MTUS2: variants seen among roughly 807,000 people sequenced by gnomAD.
MTUS2 encodes the protein microtubule associated scaffold protein 2, also known as microtubule-associated tumor suppressor candidate 2.
A neutral mutation model predicts 114.1 loss-of-function variants in MTUS2; 40 were observed. The ratio of observed to expected loss-of-function variants is 0.35; its 90% CI spans 0.27 to 0.46. The LOEUF (loss-of-function observed/expected upper bound fraction) is 0.46. MTUS2 is among the 20% of genes least tolerant of loss of function. The probability of loss-of-function intolerance (pLI) is 1.00; values close to 1 mark genes in which losing one functional copy is unlikely to be tolerated. For missense variants in MTUS2, 1,679 were observed against 1,705.4 expected (o/e 0.98, Z 0.27); for synonymous variants, 688 against 672.0 (o/e 1.02, Z -0.37).
In MTUS2 at chr13:29,042,396, A is replaced by G. The variant is rs1168548047; in HGVS notation, c.2446+8271A>G. 5.3e-5 allele frequency among the ~76,000 whole-genome samples: 8 copies of G among 152,232 alleles called. No individual in the cohort carries two copies. The East Asian group carries it at 9.7e-4, about 18-fold the overall frequency. ...TATTTTGTTGAGGATTTTTGTATCT[A>G]CGTTCATCAGGGAGATTGGTCTGTA... is the stretch of plus-strand genomic sequence containing the variant. On this transcript the variant is annotated intron_variant, in intron 4 of 15. Transcript: ENST00000612955.
chr13:29,204,895 A>G lies in MTUS2; in HGVS notation c.2645-76809A>G, dbSNP rs553592550. Among the ~76,000 whole-genome samples, 5 of 152,278 alleles carry G rather than the reference A, an allele frequency of 3.3e-5. No homozygotes were observed. The East Asian group carries it at 9.7e-4, about 29-fold the overall frequency. On this transcript the variant is annotated intron_variant, in intron 5 of 15. Coordinates refer to ENST00000612955, the MANE Select transcript of MTUS2 (RefSeq NM_001033602.4). ...CATGGGCCAGGCCAGTGCCTCGCCA[A>G]ATCGGGGACATCATGGGGTGCAGCT...
intron 8 of MTUS2, among the ~76,000 whole-genome samples, chr13:29,382,635 G>T (rs1338687402): frequency 6.6e-6 from 1 of 152,190 alleles, no homozygotes; most frequent in Non-Finnish European, 1.5e-5. Context: ...TAAAACTGGC[G>T]CTCTTAAAAC....
At chr13:29,209,969 C>T (rs1433206182) in intron 5 of MTUS2, among the ~76,000 whole-genome samples, 1 of 152,174 alleles carries the variant, frequency 6.6e-6, no homozygotes, top group Non-Finnish European at 1.5e-5. Flanking sequence ...ATTTGGCTAT[C>T]TAGATCTCTA....
rs187268447 is a variant in MTUS2, at chr13:29,459,400, G to C, written c.3184+19351G>C. 2.8e-3 allele frequency among the ~76,000 whole-genome samples: 430 copies of C among 152,264 alleles called. 5 individuals carry two copies. Among genetic ancestry groups the C allele is most frequent in the African/African-American group, 9.9e-3 (411 of 41,542 alleles). ...TCAGTTTGTTGATTATAATTCGGAA[G>C]TGTGTTCTAATTCTGCTTCTTCCTC... is the stretch of plus-strand genomic sequence containing the variant. On this transcript the variant is annotated intron_variant, in intron 9 of 15. Coordinates refer to ENST00000612955, the MANE Select transcript of MTUS2 (RefSeq NM_001033602.4).
intron 1 of MTUS2, among the ~76,000 whole-genome samples, chr13:28,832,316 A>G (rs1460055550): frequency 6.6e-6 from 1 of 152,222 alleles, no homozygotes; most frequent in Non-Finnish European, 1.5e-5. Flanking sequence ...AATACAGAAT[A>G]TGTTCCCTGA....
intron 7 of MTUS2, among the ~76,000 whole-genome samples, chr13:29,330,428 T>C (rs996838828): frequency 3.3e-5 from 5 of 152,226 alleles, no homozygotes; most frequent in Non-Finnish European, 5.9e-5. Flanking sequence ...GTGCAGAAGA[T>C]CTTTAGTTTA....
chr13:29,072,864 C>T (rs1489224470), intron 4 of MTUS2, among the ~76,000 whole-genome samples: 1 of 152,204 alleles, frequency 6.6e-6, no homozygotes, highest in African/African-American at 2.4e-5. Flanking sequence ...CAGTATTTGA[C>T]GTATCTTTTC....
intron 4 of MTUS2, among the ~76,000 whole-genome samples, chr13:29,069,874 G>A (rs963104563): frequency 2.0e-5 from 3 of 152,164 alleles, no homozygotes; most frequent in African/African-American, 7.2e-5. Context: ...ACCTTTGGTT[G>A]ATATAAAATC....
At chr13:29,031,252 G>T (rs2138510100) in intron 3 of MTUS2, among the ~76,000 whole-genome samples, 1 of 148,886 alleles carries the variant, frequency 6.7e-6, no homozygotes, top group East Asian at 2.0e-4. Flanking sequence ...GTGTGTGTGT[G>T]TGTGTGTGTG....
intron 12 of MTUS2, among the ~76,000 whole-genome samples, 193 bp from the exon 13 acceptor site, chr13:29,497,045 C>T (rs1302240683): frequency 1.3e-5 from 2 of 152,074 alleles, no homozygotes; most frequent in African/African-American, 4.8e-5. Flanking sequence ...GAGCCGAGGG[C>T]AGGCGTTGGG....
At chr13:29,059,889 G>T (rs911236270) in intron 4 of MTUS2, among the ~76,000 whole-genome samples, 13 of 152,226 alleles carry the variant, frequency 8.5e-5, no homozygotes, top group African/African-American at 2.9e-4. Context: ...CCATCTGGTG[G>T]CTTCCTGGAA....
chr13:29,463,183 CTGGAAAAGGGGAGGATA>C (rs1879632770), intron 9 of MTUS2, among the ~76,000 whole-genome samples: 1 of 152,084 alleles, frequency 6.6e-6, no homozygotes, highest in African/African-American at 2.4e-5. Context: ...CCTCGAGGGG[CTGGAAAAGGGGAGGATA>C]TGTATTCTCC....
chr13:29,147,799 G>T (rs539830746), intron 5 of MTUS2, among the ~76,000 whole-genome samples: 1 of 152,104 alleles, frequency 6.6e-6, no homozygotes, highest in Non-Finnish European at 1.5e-5. Flanking sequence ...ATAGTACTCC[G>T]TGGAGAATAT....
intron 2 of MTUS2, among the ~76,000 whole-genome samples, chr13:28,992,969 T>C (rs1593363568): frequency 6.6e-6 from 1 of 152,220 alleles, no homozygotes; most frequent in Non-Finnish European, 1.5e-5. Flanking sequence ...AGTGGAATCA[T>C]ACAGTATTTG....
At chr13:29,428,598 T>TGGCCCCCCCCCC in intron 8 of MTUS2, 1 of 155,460 alleles carries the variant, frequency 6.4e-6, no homozygotes, top group African/African-American at 2.6e-5. Context: ...CCTTCCTGGC[T>TGGCCCCCCCCCC]CCCGCCCGCC....
chr13:29,423,369 A>G (rs1876259870), intron 8 of MTUS2, among the ~76,000 whole-genome samples: 1 of 152,206 alleles, frequency 6.6e-6, no homozygotes, highest in African/African-American at 2.4e-5. Context: ...TGCCAGCTAG[A>G]AGGAACTAGG....
chr13:28,937,973 T>C (rs1241697049), intron 2 of MTUS2, among the ~76,000 whole-genome samples: 1 of 152,224 alleles, frequency 6.6e-6, no homozygotes, highest in Non-Finnish European at 1.5e-5. Context: ...CTTTCCCATT[T>C]ATCCAGAGGT....
intron 5 of MTUS2, among the ~76,000 whole-genome samples, chr13:29,235,160 G>A (rs113942261): frequency 0.025 from 3,774 of 152,048 alleles, 151 homozygotes; most frequent in African/African-American, 0.086. Context: ...GCAGTGGCAC[G>A]ATCTCAGCTC....
At chr13:29,314,343 C>T (rs968365811) in intron 6 of MTUS2, among the ~76,000 whole-genome samples, 3 of 152,084 alleles carry the variant, frequency 2.0e-5, no homozygotes, top group African/African-American at 7.2e-5. Context: ...ACATAGAAAA[C>T]TGAGCAAACA....
Sources: allele counts gnomAD v4.1 joint callset (sites outside exome capture counted in the v4.1 genomes callset), GRCh38; gene constraint gnomAD v4.1.1; transcripts MANE v1.5; gene names NCBI Gene and HGNC (gene_info 2026-07-23, HGNC 2026-07-21).